KAZN: variants seen among roughly 807,000 people sequenced by gnomAD.
KAZN encodes kazrin.
KAZN carries 40 observed loss-of-function variants against 87.4 expected under a neutral mutation model. The ratio of observed to expected loss-of-function variants is 0.46; its 90% CI spans 0.36 to 0.60. The LOEUF (loss-of-function observed/expected upper bound fraction) is 0.60, where lower values mean the gene tolerates loss of function less well. Among genes scored for constraint, KAZN ranks in the 20% least tolerant of loss-of-function variants. KAZN has a pLI of 0.00. For missense variants in KAZN, 898 were observed against 1,073.9 expected (o/e 0.84, Z 2.29); for synonymous variants, 466 against 458.3 (o/e 1.02, Z -0.22).
intron 1 of KAZN, among the ~76,000 whole-genome samples, chr1:13,961,794 C>T (rs900222209): frequency 4.6e-5 from 7 of 152,258 alleles, no homozygotes; most frequent in East Asian, 3.9e-4. Flanking sequence ...CCAGGATCCA[C>T]GTCTAATTCT....
At chr1:15,025,562 T>C (rs1206797491) in intron 2 of KAZN, among the ~76,000 whole-genome samples, 5 of 152,182 alleles carry the variant, frequency 3.3e-5, no homozygotes, top group African/African-American at 9.6e-5. Context: ...GGGAGCCTAG[T>C]TGATTAGTCG....
intron 2 of KAZN, among the ~76,000 whole-genome samples, chr1:14,584,871 G>T (rs542165357): frequency 6.6e-6 from 1 of 152,146 alleles, no homozygotes; most frequent in East Asian, 1.9e-4. Flanking sequence ...TCAAACTCCC[G>T]ACCTCTGGTG....
rs188573825 is a variant in KAZN at position 14,664,375 on chromosome 1, G to A, written c.226+65152G>A. On this transcript the variant is annotated intron_variant, in intron 1 of 14. Coordinates refer to ENST00000376030, the MANE Select transcript of KAZN (RefSeq NM_201628.3). ...TTAAACCTGGGGGGCAGAGGTTGCA[G>A]TGAGCCAAGATTGTGCCACTGCACT... Among the ~76,000 whole-genome samples the A allele has an allele frequency of 1.6e-3, 244 of 152,292 alleles. 1 individual carries two copies. The highest frequency in any genetic ancestry group is 5.3e-3 in the Admixed American group (81 of 15,298).
intron 1 of KAZN, among the ~76,000 whole-genome samples, chr1:14,146,841 G>C (rs938347434): frequency 4.0e-5 from 6 of 151,856 alleles, no homozygotes; most frequent in Non-Finnish European, 8.8e-5. Context: ...AATTTCAGAA[G>C]AGTTTGTCAA....
chr1:15,080,143 G>T (rs1417050575), intron 8 of KAZN, among the ~76,000 whole-genome samples: 1 of 152,148 alleles, frequency 6.6e-6, no homozygotes, highest in Non-Finnish European at 1.5e-5. Context: ...GTCCTCCGAG[G>T]TTGGGAGAAG....
chr1:14,307,108 T>C (rs1654983556), intron 2 of KAZN, among the ~76,000 whole-genome samples: 1 of 152,114 alleles, frequency 6.6e-6, no homozygotes, highest in African/African-American at 2.4e-5. Context: ...CATAAAGTGA[T>C]GTTGACCCTT....
chr1:14,494,846 T>C (rs1394617151), intron 2 of KAZN, among the ~76,000 whole-genome samples: 2 of 152,180 alleles, frequency 1.3e-5, no homozygotes, highest in African/African-American at 2.4e-5. Flanking sequence ...ATGGAAGGCA[T>C]ATTGCATTTC....
chr1:15,103,999 C>T (rs1395698572), intron 12 of KAZN, 24 bp from the exon 13 acceptor site: 2 of 1,607,182 alleles, frequency 1.2e-6, no homozygotes, highest in East Asian at 4.5e-5. Context: ...TGCAGGCTAA[C>T]AAGTCCCCTG....
chr1:14,308,186 G>A (rs1297939281), intron 2 of KAZN, among the ~76,000 whole-genome samples: 1 of 152,130 alleles, frequency 6.6e-6, no homozygotes, highest in Non-Finnish European at 1.5e-5. Context: ...GTTGCATCCT[G>A]AACCAGGGGA....
intron 1 of KAZN, among the ~76,000 whole-genome samples, chr1:14,957,641 G>C (rs1212651779): frequency 6.6e-6 from 1 of 152,222 alleles, no homozygotes; most frequent in Non-Finnish European, 1.5e-5. Context: ...GGCTGTGACA[G>C]TGAGGCTGAG....
chr1:14,062,437 G>A (rs2101522587), intron 1 of KAZN, among the ~76,000 whole-genome samples: 1 of 152,226 alleles, frequency 6.6e-6, no homozygotes, highest in Non-Finnish European at 1.5e-5. Flanking sequence ...TTTCTAAATG[G>A]CTTTGTTAGG....
intron 1 of KAZN, among the ~76,000 whole-genome samples, chr1:14,160,317 T>C (rs1645682988): frequency 6.6e-6 from 1 of 152,184 alleles, no homozygotes; most frequent in Non-Finnish European, 1.5e-5. Flanking sequence ...TCAGCTGAGC[T>C]TGGCTTTGTT....
chr1:13,941,670 AAT>A (rs1406471209), intron 1 of KAZN, among the ~76,000 whole-genome samples: 1 of 152,172 alleles, frequency 6.6e-6, no homozygotes, highest in Non-Finnish European at 1.5e-5. Context: ...TCTTTCTGTT[AAT>A]GGAAGAGAAA....
At chr1:13,985,822 T>G (rs1454625867) in intron 1 of KAZN, among the ~76,000 whole-genome samples, 2 of 152,208 alleles carry the variant, frequency 1.3e-5, no homozygotes, top group Non-Finnish European at 2.9e-5. Flanking sequence ...GCATAATGCT[T>G]TCAAGGTTTA....
intron 1 of KAZN, among the ~76,000 whole-genome samples, chr1:14,060,971 C>T (rs528960482): frequency 6.6e-6 from 1 of 152,282 alleles, no homozygotes; most frequent in South Asian, 2.1e-4. Flanking sequence ...GGGTCAAGAC[C>T]CTTCTCCTCC....
chr1:15,070,740 C>G (rs1186887305), intron 8 of KAZN, among the ~76,000 whole-genome samples: 1 of 152,218 alleles, frequency 6.6e-6, no homozygotes, highest in Non-Finnish European at 1.5e-5. Flanking sequence ...ACTCAGGAGG[C>G]TGAGGCTGAA....
intron 1 of KAZN, among the ~76,000 whole-genome samples, chr1:14,603,072 CT>C (rs1557829893): frequency 6.6e-6 from 1 of 152,168 alleles, no homozygotes; most frequent in Non-Finnish European, 1.5e-5. Flanking sequence ...ACTGGAAACT[CT>C]TTCGTGAAGT....
chr1:14,266,163 C>A (rs190216212), intron 2 of KAZN, among the ~76,000 whole-genome samples: 5 of 152,322 alleles, frequency 3.3e-5, no homozygotes, highest in Non-Finnish European at 5.9e-5. Flanking sequence ...ATTGTTATAA[C>A]TCTATGTGTC....
chr1:14,170,211 T>G (rs1645924029), intron 1 of KAZN, among the ~76,000 whole-genome samples: 1 of 152,180 alleles, frequency 6.6e-6, no homozygotes. Flanking sequence ...TAGCCACACA[T>G]GGTGGTTTTA....
Sources: allele counts gnomAD v4.1 joint callset (sites outside exome capture counted in the v4.1 genomes callset), GRCh38; gene constraint gnomAD v4.1.1; transcripts MANE v1.5; gene names NCBI Gene and HGNC (gene_info 2026-07-23, HGNC 2026-07-21).